The following SLC19A1 variants were observed in gnomAD, a reference collection of about 807,000 sequenced individuals.
SLC19A1 encodes solute carrier family 19 member 1.
SLC19A1 carries 37 observed loss-of-function variants against 35.3 expected under a neutral mutation model. The observed-to-expected ratio is 1.05, with a 90% CI of 0.81 to 1.38. The LOEUF (loss-of-function observed/expected upper bound fraction) is 1.38. Among genes scored for constraint, SLC19A1 ranks in the 40% most tolerant of loss-of-function variants. The pLI, the probability that SLC19A1 is intolerant of heterozygous loss-of-function variation, is 0.00. For synonymous variants in SLC19A1, 460 were observed against 398.5 expected (o/e 1.15, Z -1.84); for missense variants, 831 against 826.9 (o/e 1.00, Z -0.06).
At position 45,505,235 on chromosome 21, in the gene SLC19A1, A is replaced by AGGCCCCCCC. The variant is rs762697655; in HGVS notation, c.498-6624_498-6623insGGGGGGGCC. The AGGCCCCCCC allele has an allele frequency of 0.02, 31,281 of 1,594,536 alleles. 991 individuals carry two copies. The highest frequency in any genetic ancestry group is 0.14 in the African/African-American group (10,540 of 74,198). On this transcript the variant is annotated intron_variant, in intron 3 of 4. Transcript: ENST00000417954. ...GGCGCCAGGGCCCTCCCGGCCCCCCAGGCCCCCCAGGGCCCCCTTCATTTC... is the reference window on the plus strand; with the variant it reads ...GGCGCCAGGGCCCTCCCGGCCCCCCAGGCCCCCCCGGCCCCCCAGGGCCCCCTTCATTTC...
At chr21:45,527,195 C>CGGGCAGGG (rs2077653384) in intron 4 of SLC19A1, among the ~76,000 whole-genome samples, 1 of 136,886 alleles carries the variant, frequency 7.3e-6, no homozygotes. Flanking sequence ...TGAGTAGCAG[C>CGGGCAGGG]TGGGTATGCC....
upstream of SLC19A1, among the ~76,000 whole-genome samples, chr21:45,548,633 A>G (rs1368439481): frequency 1.3e-5 from 2 of 152,024 alleles, no homozygotes; most frequent in African/African-American, 4.8e-5. Context: ...AGTCCCAGCT[A>G]CTCAGGAGGC....
chr21:45,517,692 A>G lies in SLC19A1; in HGVS notation c.1294-1552T>C, dbSNP rs1282552765. 2.0e-5 allele frequency among the ~76,000 whole-genome samples: 3 copies of G among 152,228 alleles called. No individual in the cohort carries two copies. In the East Asian group the frequency reaches 5.8e-4, roughly 29 times the overall value. On this transcript the variant is annotated intron_variant, in intron 5 of 5. Transcript: ENST00000311124. This position sits in a 1 kb window ranked among gnomAD's most constrained non-coding sequence, Gnocchi z 4.4. ...ATGCTGGGGGGTGTCAGAGGAGGTC[A>G]AGCGGGAGTCCAGACTTTCACCTAC...
In SLC19A1 at chr21:45,530,196, G is replaced by A. The variant is rs1568996159; in HGVS notation, c.1151+574C>T. Among the ~76,000 whole-genome samples the A allele has an allele frequency of 6.6e-6, 1 of 151,488 alleles. No individual in the cohort carries two copies. The highest frequency in any genetic ancestry group is 1.9e-4 in the East Asian group (1 of 5,142). ...GCGTCCATGTGTAGTGGGTGTCCAT[G>A]TGTGATATATCCATGTGTGAACATG... On this transcript the variant is annotated intron_variant, in intron 4 of 5. Coordinates refer to ENST00000311124, the MANE Select transcript of SLC19A1 (RefSeq NM_194255.4). The surrounding 1 kb of genome is among the most constrained non-coding windows in gnomAD (Gnocchi z 5.3).
chr21:45,528,253 C>A (rs777044977), intron 4 of SLC19A1, among the ~76,000 whole-genome samples: 1 of 152,104 alleles, frequency 6.6e-6, no homozygotes, highest in Non-Finnish European at 1.5e-5. Flanking sequence ...GAGCCCAGGC[C>A]AGCCCCCAGG....
At chr21:45,545,305 C>T (rs1474718478), upstream of SLC19A1, among the ~76,000 whole-genome samples, 1 of 152,142 alleles carries the variant, frequency 6.6e-6, no homozygotes, top group East Asian at 1.9e-4. Flanking sequence ...AGCACCATCA[C>T]CTTGGTGATG....
chr21:45,545,365 G>T (rs2078403156), upstream of SLC19A1, among the ~76,000 whole-genome samples: 1 of 151,882 alleles, frequency 6.6e-6, no homozygotes, highest in Admixed American at 6.5e-5. Flanking sequence ...GTTTAAAAGA[G>T]TCCGGGACCC....
chr21:45,545,409 T>A (rs772483105), upstream of SLC19A1, among the ~76,000 whole-genome samples: 1 of 151,628 alleles, frequency 6.6e-6, no homozygotes. Flanking sequence ...ACTCTTGCTA[T>A]GTGACGCTGG....
chr21:45,503,718 A>C (rs1006803780), intron 3 of SLC19A1, among the ~76,000 whole-genome samples: 6 of 151,876 alleles, frequency 4.0e-5, no homozygotes, highest in Non-Finnish European at 8.8e-5. Context: ...GCACACCAGC[A>C]TGGCACATGT....
Position 45,534,713 on chromosome 21 carries a change from C to G in SLC19A1, c.190-2565G>C, listed in dbSNP as rs2078050571. 1.1e-6 allele frequency: 1 copy of G among 875,132 alleles called. No individual in the cohort carries two copies. The highest frequency in any genetic ancestry group is 1.5e-5 in the South Asian group (1 of 64,688). The allele number at this position is 875,132 out of a possible 1,614,324, so 54.2% of individuals were successfully genotyped here. A position where few individuals can be genotyped will look rare whatever the true frequency, so the allele number is the denominator to read the frequency against. ...CTGCACCTCCTCAACGGCCCCTACTCCCTCTTCCTCAGCCTTGGCAGGCAG... is the reference window on the plus strand; with the variant it reads ...CTGCACCTCCTCAACGGCCCCTACTGCCTCTTCCTCAGCCTTGGCAGGCAG... On this transcript the variant is annotated intron_variant, in intron 2 of 5. Coordinates refer to ENST00000311124, the MANE Select transcript of SLC19A1 (RefSeq NM_194255.4). This position sits in a 1 kb window ranked among gnomAD's most constrained non-coding sequence, Gnocchi z 4.2.
In SLC19A1 at chr21:45,529,996, G is replaced by A. The variant is rs185202316; in HGVS notation, c.1151+774C>T. On this transcript the variant is annotated intron_variant, in intron 4 of 5. Transcript: ENST00000311124. Reference sequence around the variant, plus strand: ...GTTCATGTGAGTGTGGTGGGTGTCCGTGTGTGTGGTGTGTGTCCATGTGTA... The same window carrying A: ...GTTCATGTGAGTGTGGTGGGTGTCCATGTGTGTGGTGTGTGTCCATGTGTA... Among the ~76,000 whole-genome samples, 202 of 150,912 alleles carry A rather than the reference G, an allele frequency of 1.3e-3. 1 individual carries two copies. Among genetic ancestry groups the A allele is most frequent in the African/African-American group, 4.7e-3 (194 of 41,018 alleles).
At chr21:45,504,261 A>AG in intron 3 of SLC19A1, 1 of 868,966 alleles carries the variant, frequency 1.2e-6, no homozygotes, top group Non-Finnish European at 1.8e-6. Context: ...ATGCAGTGGG[A>AG]GGTGGGGAGT....
At chr21:45,504,881 T>C (rs566164741) in intron 3 of SLC19A1, among the ~76,000 whole-genome samples, 2 of 151,366 alleles carry the variant, frequency 1.3e-5, no homozygotes, top group Admixed American at 1.3e-4. Context: ...CAGAGAGCCA[T>C]GGGCCCCAGC....
intron 4 of SLC19A1, among the ~76,000 whole-genome samples, chr21:45,527,962 C>T (rs1430018478): frequency 6.8e-6 from 1 of 147,094 alleles, no homozygotes; most frequent in East Asian, 2.0e-4. Context: ...AAAAAAAGAA[C>T]TGGACAAAAA....
At chr21:45,509,963 C>G, downstream of SLC19A1, 4 of 1,359,246 alleles carry the variant, frequency 2.9e-6, no homozygotes, top group Non-Finnish European at 3.0e-6. Flanking sequence ...GCCCCTCGGC[C>G]GTGCCTGTCC....
At chr21:45,516,254 G>A in intron 5 of SLC19A1, 114 bp from the exon 6 acceptor site, 2 of 811,942 alleles carry the variant, frequency 2.5e-6, no homozygotes, top group Non-Finnish European at 4.0e-6. Flanking sequence ...GGCTGACCCT[G>A]AACACTGCAC....
downstream of SLC19A1, chr21:45,509,478 C>G (rs759202379): frequency 6.6e-7 from 1 of 1,523,412 alleles, no homozygotes; most frequent in Non-Finnish European, 8.8e-7. Flanking sequence ...TCCTGGCCAG[C>G]CCCCCTCGCC....
At chr21:45,535,493 C>T (rs1490738642) in intron 2 of SLC19A1, among the ~76,000 whole-genome samples, 1 of 152,182 alleles carries the variant, frequency 6.6e-6, no homozygotes. Context: ...GGAGAAATGG[C>T]GGCAGAGCAA....
At position 45,530,567 on chromosome 21, in the gene SLC19A1, G is replaced by C. The variant is rs2077836775; in HGVS notation, c.1151+203C>G. On this transcript the variant is annotated intron_variant, in intron 4 of 5. Coordinates refer to ENST00000311124, the MANE Select transcript of SLC19A1 (RefSeq NM_194255.4). This position sits in a 1 kb window ranked among gnomAD's most constrained non-coding sequence, Gnocchi z 5.3. ...TTCAGAGAGGAGCGTGGAGGGCCTG[G>C]GGGAGCAGCAAGACGGCACAGGAAG... 6.6e-6 allele frequency among the ~76,000 whole-genome samples: 1 copy of C among 152,148 alleles called. No individual in the cohort carries two copies.
Sources: gnomAD v4.1 joint callset for allele counts (sites outside exome capture counted in the v4.1 genomes callset) on GRCh38, gnomAD v4.1.1 for gene constraint, Gnocchi (gnomAD v3.1) non-coding constraint, MANE v1.5 for transcripts, NCBI Gene and HGNC (gene_info 2026-07-23, HGNC 2026-07-21) for gene names.